The following PPAT variants were observed in gnomAD, a reference collection of about 807,000 sequenced individuals.
PPAT encodes the protein phosphoribosyl pyrophosphate amidotransferase.
Under a neutral mutation model 60.2 loss-of-function variants are expected in PPAT, and 20 were observed. The ratio of observed to expected loss-of-function variants is 0.33; its 90% CI spans 0.23 to 0.48. PPAT has a LOEUF of 0.48. PPAT is among the 20% of genes least tolerant of loss of function. The pLI is 0.99. For synonymous variants in PPAT, 194 were observed against 215.1 expected (o/e 0.90, Z 0.86); for missense variants, 349 against 629.6 (o/e 0.55, Z 4.77).
rs1356905084 is a variant in PPAT at position 56,394,282 on chromosome 4, T to TC, written c.*1069dup. 2.6e-5 allele frequency: 4 copies of TC among 152,206 alleles called. No homozygotes were observed. The highest frequency in any genetic ancestry group is 2.6e-4 in the Admixed American group (4 of 15,282). 9.4% of individuals were successfully genotyped at this position (152,206 alleles called of 1,614,324 possible). Reference sequence around the variant, plus strand: ...ATACTAATTCCCCAAAGTGGTTGTCTCTTTGATCCTTAAACAAAACTGGCC... The same window carrying TC: ...ATACTAATTCCCCAAAGTGGTTGTCTCCTTTGATCCTTAAACAAAACTGGCC... On this transcript the variant is annotated 3_prime_UTR_variant, in exon 11 of 11. Transcript: ENST00000264220.
chr4:56,403,162 G>A lies in PPAT; in HGVS notation c.539C>T (p.Ala180Val), dbSNP rs1374314906. Residue 180 changes from alanine to valine, a missense_variant, in exon 5 of 11, where the codon GCA (alanine) becomes GTA (valine). Physicochemically the swap from Ala to Val is moderately conservative, Grantham distance 64 (BLOSUM62 0). Around this residue, in one of 5 missense-constraint regions of PPAT, gnomAD observed 63 missense variants for 86.9 expected, o/e 0.73. Coordinates refer to ENST00000264220, the MANE Select transcript of PPAT (RefSeq NM_002703.5). The stretch of plus-strand genomic sequence containing the variant: ...TATAAGCAGGGAGTATGCTGTGGGT[G>A]CTTCCTTCATCAAGTTTTTAATCCT... ...VARIKNLMKEAPTAYSLLIMH... is the reference protein window; with the variant it reads ...VARIKNLMKEVPTAYSLLIMH... 2 of 1,607,920 alleles carry A rather than the reference G, an allele frequency of 1.2e-6. No individual in the cohort carries two copies. Among genetic ancestry groups the A allele is most frequent in the South Asian group, 2.2e-5 (2 of 90,588 alleles).
chr4:56,408,165 C>G (rs1013102734), intron 1 of PPAT: 1 of 155,576 alleles, frequency 6.4e-6, no homozygotes, highest in African/African-American at 2.4e-5. Flanking sequence ...CAGCCGGGTA[C>G]GGTGGCTCAC....
Position 56,426,427 on chromosome 4 carries a change from T to A in PPAT, c.128+8923A>T, listed in dbSNP as rs180729587. ...AAAAAAAAAAAAGAAAGAAACCCCA[T>A]ATCCATCAGTAGTTTAACTGCTTGA... is the stretch of plus-strand genomic sequence containing the variant. On this transcript the variant is annotated intron_variant, in intron 1 of 10. Coordinates refer to ENST00000264220, the MANE Select transcript of PPAT (RefSeq NM_002703.5). Among the ~76,000 whole-genome samples, 19 of 151,796 alleles carry A rather than the reference T, an allele frequency of 1.3e-4. No individual in the cohort carries two copies. In the East Asian group the frequency reaches 3.3e-3, roughly 26 times the overall value.
chr4:56,400,742 G>A (rs772614954), intron 8 of PPAT, 42 bp downstream of exon 8: 8 of 1,561,576 alleles, frequency 5.1e-6, no homozygotes, highest in Non-Finnish European at 7.0e-6. Flanking sequence ...TTATTCCACA[G>A]CTGGGAGAGC....
At chr4:56,415,436 A>G (rs1161640421) in intron 1 of PPAT, among the ~76,000 whole-genome samples, 7 of 152,236 alleles carry the variant, frequency 4.6e-5, no homozygotes, top group Admixed American at 4.6e-4. Context: ...TTTAAAAAGT[A>G]GCCTATGCCT....
chr4:56,397,898 C>T (rs1183181719), intron 9 of PPAT, among the ~76,000 whole-genome samples: 1 of 151,106 alleles, frequency 6.6e-6, no homozygotes, highest in East Asian at 2.0e-4. Flanking sequence ...AAAAATCAGC[C>T]GGGCATGGTG....
Position 56,435,495 on chromosome 4 carries a change from G to C in PPAT, c.-18C>G. 6.2e-7 allele frequency: 1 copy of C among 1,613,024 alleles called. No individual in the cohort carries two copies. The highest frequency in any genetic ancestry group is 8.5e-7 in the Non-Finnish European group (1 of 1,179,952). On this transcript the variant is annotated 5_prime_UTR_variant, in exon 1 of 11. Transcript: ENST00000264220. The stretch of plus-strand genomic sequence containing the variant: ...AGCTCCATGTCGCCGCCGAAAGCAC[G>C]TGGAAGGACCTGCCGCTGCGGCCAA...
chr4:56,403,472 C>A, intron 3 of PPAT, 71 bp from the exon 4 acceptor site: 1 of 1,122,406 alleles, frequency 8.9e-7, no homozygotes, highest in Non-Finnish European at 1.3e-6. Context: ...CAGTAGCCAA[C>A]CATAATGAAA....
chr4:56,426,792 AC>A (rs1332755370), intron 1 of PPAT, among the ~76,000 whole-genome samples: 1 of 152,210 alleles, frequency 6.6e-6, no homozygotes, highest in Non-Finnish European at 1.5e-5. Context: ...TTACCATTAT[AC>A]CCATAAGTAC....
At position 56,399,275 on chromosome 4, in the gene PPAT, A is replaced by G. The variant is rs772882442; in HGVS notation, c.1140T>C (p.Phe380=). Residue 380 remains phenylalanine, a synonymous_variant, in exon 9 of 11, where the codon TTT becomes TTC. Coordinates refer to ENST00000264220, the MANE Select transcript of PPAT (RefSeq NM_002703.5). ...AKKFGVLSDN[F]KGKRIVLVDD... ...CTACAAGAACAATTCTTTTGCCTTT[A>G]AAGTTGTCTGACAATACTCCAAATT... 1.2e-6 allele frequency: 2 copies of G among 1,613,898 alleles called. No homozygotes were observed. Among genetic ancestry groups the G allele is most frequent in the African/African-American group, 1.3e-5 (1 of 74,912 alleles).
At chr4:56,435,239 C>G in intron 1 of PPAT, 111 bp downstream of exon 1, 1 of 1,495,654 alleles carries the variant, frequency 6.7e-7, no homozygotes, top group Non-Finnish European at 9.1e-7. Flanking sequence ...TGGCTTAGGT[C>G]GGAGAGGTCG....
chr4:56,398,778 T>G (rs945020480), intron 9 of PPAT, among the ~76,000 whole-genome samples: 3 of 152,244 alleles, frequency 2.0e-5, no homozygotes, highest in Admixed American at 2.0e-4. Flanking sequence ...TTTGAATAAA[T>G]TTTGTAAAAA....
Position 56,435,332 on chromosome 4 carries a change from C to T in PPAT, c.128+18G>A, listed in dbSNP as rs1403480355. On this transcript the variant is annotated intron_variant, in intron 1 of 10. Transcript: ENST00000264220. ...AGATGGAGACGCACGCCCCCGCCAC[C>T]CCCACCCTGTTGCTCACCGGTGCTG... The T allele has an allele frequency of 9.3e-6, 15 of 1,613,324 alleles. No homozygotes were observed. In the Admixed American group the frequency reaches 2.2e-4, roughly 23 times the overall value.
intron 1 of PPAT, chr4:56,423,262 A>G (rs1316068709): frequency 6.6e-6 from 1 of 152,266 alleles, no homozygotes; most frequent in African/African-American, 2.4e-5. Context: ...TCTCTGGTTT[A>G]TCAGACAGGA....
chr4:56,397,097 GT>G (rs910606155), intron 9 of PPAT, among the ~76,000 whole-genome samples: 14 of 151,276 alleles, frequency 9.3e-5, no homozygotes, highest in African/African-American at 3.4e-4. Flanking sequence ...GTCTGTTATT[GT>G]TTTTTTTGCC....
chr4:56,415,188 T>C (rs1026824061), intron 1 of PPAT, among the ~76,000 whole-genome samples: 3 of 152,214 alleles, frequency 2.0e-5, no homozygotes, highest in African/African-American at 2.4e-5. Flanking sequence ...TAAAATACAA[T>C]GCTACTTTTG....
intron 1 of PPAT, chr4:56,431,614 G>T: frequency 1.6e-6 from 1 of 635,356 alleles, no homozygotes; most frequent in Non-Finnish European, 2.0e-6. Context: ...TCCTAACCAG[G>T]AGAAGTGATA....
intron 6 of PPAT, 65 bp downstream of exon 6, chr4:56,402,044 A>T: frequency 7.9e-7 from 1 of 1,267,464 alleles, no homozygotes; most frequent in Non-Finnish European, 1.1e-6. Context: ...ATAAATAAGA[A>T]ACTGTCTAAA....
chr4:56,395,691 A>G (rs1379609043), intron 10 of PPAT, 143 bp from the exon 11 acceptor site: 4 of 575,168 alleles, frequency 7.0e-6, no homozygotes, highest in African/African-American at 4.0e-5. Context: ...AAAAAAAAGG[A>G]AAAAAAATCA....
Sources: allele counts gnomAD v4.1 joint callset (sites outside exome capture counted in the v4.1 genomes callset), GRCh38; gene constraint gnomAD v4.1.1; regional missense constraint gnomAD v4.1.1; transcripts MANE v1.5; gene names NCBI Gene and HGNC (gene_info 2026-07-23, HGNC 2026-07-21).